Variants in NSMAF observed in about 807,000 individuals in gnomAD.
NSMAF encodes the protein neutral sphingomyelinase activation associated factor.
Under a neutral mutation model 134.9 loss-of-function variants are expected in NSMAF, and 90 were observed. The observed-to-expected ratio is 0.67, with a 90% CI of 0.56 to 0.79. The LOEUF is 0.79. Among genes scored for constraint, NSMAF ranks in the 30% least tolerant of loss-of-function variants. The pLI, the probability that NSMAF is intolerant of heterozygous loss-of-function variation, is 0.00. For synonymous variants in NSMAF, 358 were observed against 389.6 expected (o/e 0.92, Z 0.96); for missense variants, 1,010 against 1,119.0 (o/e 0.90, Z 1.39).
chr8:58,618,610 A>AAC (rs199844081), intron 9 of NSMAF, among the ~76,000 whole-genome samples: 13 of 151,080 alleles, frequency 8.6e-5, no homozygotes, highest in South Asian at 6.3e-4. Flanking sequence ...ACATACAAAT[A>AAC]ACACACACAC....
At chr8:58,640,170 G>T (rs1485255167) in intron 2 of NSMAF, 1 of 433,280 alleles carries the variant, frequency 2.3e-6, no homozygotes, top group Non-Finnish European at 4.6e-6. Flanking sequence ...TTGGCTCAGA[G>T]AGTAGATCTT....
chr8:58,635,161 T>C (rs935443901), intron 5 of NSMAF, 28 bp downstream of exon 5: 4 of 1,571,874 alleles, frequency 2.5e-6, no homozygotes, highest in African/African-American at 2.7e-5. Flanking sequence ...TCATTCAGAT[T>C]AGGAAAAAAT....
At chr8:58,597,835 A>C (rs748745664) in intron 20 of NSMAF, 25 bp downstream of exon 20, 6 of 1,491,608 alleles carry the variant, frequency 4.0e-6, no homozygotes, top group Non-Finnish European at 2.8e-6. Context: ...ACTCAAGTAG[A>C]AACTCCTTAT....
rs1806830951 is a variant in NSMAF, at chr8:58,623,258, C to G, written c.519G>C (p.Leu173Phe). ...ATGATGTTCTAGCTAAACGAGACTGCAAAATAGCTGTTATCTATTAAAACA... is the reference window on the plus strand; with the variant it reads ...ATGATGTTCTAGCTAAACGAGACTGGAAAATAGCTGTTATCTATTAAAACA... Reference protein sequence around the residue: ...GDQTAMITAILQSRLARTSFD... With the variant: ...GDQTAMITAIFQSRLARTSFD... Residue 173 changes from leucine to phenylalanine, a missense_variant, in exon 9 of 31, where the codon TTG becomes TTC. Physicochemically the swap from Leu to Phe is conservative, Grantham distance 22. Transcript: ENST00000038176. The G allele has an allele frequency of 6.2e-7, 1 of 1,609,370 alleles. No individual in the cohort carries two copies. The highest frequency in any genetic ancestry group is 8.5e-7 in the Non-Finnish European group (1 of 1,177,212).
At chr8:58,597,818 T>A in intron 20 of NSMAF, 42 bp downstream of exon 20, 1 of 1,327,682 alleles carries the variant, frequency 7.5e-7, no homozygotes, top group Non-Finnish European at 1.1e-6. Flanking sequence ...TAAAGACATA[T>A]CTTATAACTC....
chr8:58,600,621 CAAAAAAAAAAA>C (rs35209612), intron 16 of NSMAF, among the ~76,000 whole-genome samples: 2 of 44,682 alleles, frequency 4.5e-5, no homozygotes, highest in Non-Finnish European at 8.1e-5. Flanking sequence ...GACTCTGTCT[CAAAAAAAAAAA>C]AAAAAAAAAA....
At chr8:58,611,197 A>G (rs1312963970) in intron 9 of NSMAF, among the ~76,000 whole-genome samples, 2 of 152,198 alleles carry the variant, frequency 1.3e-5, no homozygotes. Context: ...TGTGTCAGAC[A>G]TTGGATCAAT....
chr8:58,631,367 C>A (rs1807054178), intron 6 of NSMAF, 129 bp downstream of exon 6: 5 of 440,830 alleles, frequency 1.1e-5, no homozygotes, highest in Admixed American at 4.5e-5. Context: ...TTTGTTATAA[C>A]TTCCAGGTAA....
Position 58,623,557 on chromosome 8 carries a change from C to T in NSMAF, c.457-133G>A, listed in dbSNP as rs549534539. The T allele has an allele frequency of 5.6e-6, 6 of 1,075,478 alleles. No individual in the cohort carries two copies. In the Admixed American group the frequency reaches 8.7e-5, roughly 16 times the overall value. The allele number at this position is 1,075,478 out of a possible 1,614,324, so 66.6% of individuals were successfully genotyped here. On this transcript the variant is annotated intron_variant, in intron 7 of 30. Transcript: ENST00000038176. ...CTTCTGATATACCTATGGCTTCTTC[C>T]TAATATATAGTTTTTAAACTCAACA...
intron 1 of NSMAF, chr8:58,659,157 G>C (rs953248377): frequency 1.4e-6 from 2 of 1,399,492 alleles, no homozygotes; most frequent in South Asian, 3.1e-5. Context: ...TTAAGGGGAA[G>C]GATTAGAAAG....
chr8:58,605,857 G>C (rs184713109), intron 12 of NSMAF, 70 bp downstream of exon 12: 4 of 1,408,872 alleles, frequency 2.8e-6, no homozygotes, highest in Non-Finnish European at 3.7e-6. Context: ...TCCAGCCTGG[G>C]TGACAGAGCG....
intron 2 of NSMAF, among the ~76,000 whole-genome samples, chr8:58,638,333 C>G (rs1807251027): frequency 6.6e-6 from 1 of 152,172 alleles, no homozygotes; most frequent in African/African-American, 2.4e-5. Flanking sequence ...GTGCAAGCCA[C>G]CATGCCTGGT....
intron 1 of NSMAF, among the ~76,000 whole-genome samples, chr8:58,650,669 C>T (rs1807563481): frequency 1.3e-5 from 2 of 152,180 alleles, no homozygotes; most frequent in South Asian, 2.1e-4. Context: ...CTATGTATGA[C>T]AGGATCCCTC....
intron 6 of NSMAF, among the ~76,000 whole-genome samples, chr8:58,628,617 T>C (rs995493371): frequency 1.3e-5 from 2 of 152,228 alleles, no homozygotes; most frequent in African/African-American, 4.8e-5. Flanking sequence ...TGTATTTGCC[T>C]TTATCAGCAA....
intron 15 of NSMAF, 26 bp from the exon 16 acceptor site, chr8:58,601,374 G>A: frequency 6.2e-7 from 1 of 1,612,246 alleles, no homozygotes; most frequent in Non-Finnish European, 8.5e-7. Context: ...TCAGAGGTAA[G>A]TCAGGTCACA....
At chr8:58,603,146 T>C in intron 13 of NSMAF, 64 bp downstream of exon 13, 1 of 1,452,808 alleles carries the variant, frequency 6.9e-7, no homozygotes, top group Non-Finnish European at 9.6e-7. Flanking sequence ...ATTCTGTCCT[T>C]TAAAAACAAT....
intron 9 of NSMAF, among the ~76,000 whole-genome samples, chr8:58,611,004 A>G (rs1266732177): frequency 6.6e-6 from 1 of 152,208 alleles, no homozygotes; most frequent in African/African-American, 2.4e-5. Context: ...CTGTACAAGT[A>G]GCCTGACAGA....
chr8:58,637,283 C>G, intron 2 of NSMAF: 4 of 455,186 alleles, frequency 8.8e-6, no homozygotes, highest in South Asian at 6.2e-5. Flanking sequence ...TTTCCTGCCT[C>G]TGACTTAGAA....
chr8:58,585,910 T>C lies in NSMAF; in HGVS notation c.2537A>G (p.Asp846Gly). The stretch of plus-strand genomic sequence containing the variant: ...TCACAAACTATACCTCTGGGGCTCA[T>C]CTGATGTCATGGAGGAGATGAGCAT... ...TGMLISSMTSDEPQRCFVWDG... is the reference protein window; with the variant it reads ...TGMLISSMTSGEPQRCFVWDG... Residue 846 changes from aspartate (D) to glycine (G), a missense_variant, in exon 29 of 31, where the codon GAT becomes GGT. Asp to Gly is a moderately conservative substitution (Grantham distance 94). Coordinates refer to ENST00000038176, the MANE Select transcript of NSMAF (RefSeq NM_003580.4). The C allele has an allele frequency of 6.2e-7, 1 of 1,613,408 alleles. No homozygotes were observed. Among genetic ancestry groups the C allele is most frequent in the Non-Finnish European group, 8.5e-7 (1 of 1,179,528 alleles).
Sources: gnomAD v4.1 joint callset for allele counts (sites outside exome capture counted in the v4.1 genomes callset) on GRCh38, gnomAD v4.1.1 for gene constraint, MANE v1.5 for transcripts, NCBI Gene and HGNC (gene_info 2026-07-23, HGNC 2026-07-21) for gene names.